The following MACROD2 variants were observed in gnomAD, a reference collection of about 807,000 sequenced individuals.
MACROD2 encodes the protein mono-ADP ribosylhydrolase 2, also known as ADP-ribose glycohydrolase MACROD2.
A neutral mutation model predicts 70.4 loss-of-function variants in MACROD2; 36 were observed. The observed-to-expected ratio is 0.51, with a 90% CI of 0.39 to 0.68. The LOEUF is 0.68. Among genes scored for constraint, MACROD2 ranks in the 30% least tolerant of loss-of-function variants. The probability of loss-of-function intolerance (pLI) is 0.00; values close to 1 mark genes in which losing one functional copy is unlikely to be tolerated. For missense variants in MACROD2, 496 were observed against 538.4 expected (o/e 0.92, Z 0.78); for synonymous variants, 172 against 178.8 (o/e 0.96, Z 0.30).
At chr20:14,720,662 T>G (rs1364334923) in intron 5 of MACROD2, among the ~76,000 whole-genome samples, 1 of 149,834 alleles carries the variant, frequency 6.7e-6, no homozygotes, top group Non-Finnish European at 1.5e-5. Flanking sequence ...CAAGTGATTC[T>G]CCTGCCTCAG....
chr20:14,620,005 T>C (rs1983738362), intron 4 of MACROD2, among the ~76,000 whole-genome samples: 1 of 152,170 alleles, frequency 6.6e-6, no homozygotes, highest in South Asian at 2.1e-4. Context: ...TATGTGGCCC[T>C]GACATTTGTC....
At chr20:15,235,971 G>C (rs1601279188) in intron 6 of MACROD2, among the ~76,000 whole-genome samples, 1 of 152,146 alleles carries the variant, frequency 6.6e-6, no homozygotes, top group Non-Finnish European at 1.5e-5. Context: ...GTAATACCAA[G>C]TCTCTATGTC....
At chr20:15,467,346 G>C (rs192432294) in intron 7 of MACROD2, among the ~76,000 whole-genome samples, 9 of 152,324 alleles carry the variant, frequency 5.9e-5, no homozygotes, top group Admixed American at 4.6e-4. Context: ...AAATATATTT[G>C]TTTGCATTAT....
intron 4 of MACROD2, among the ~76,000 whole-genome samples, chr20:14,528,903 T>A (rs1032738660): frequency 1.6e-4 from 25 of 152,320 alleles, no homozygotes; most frequent in African/African-American, 6.0e-4. Flanking sequence ...TATATGAGGC[T>A]GGGTCTTATG....
intron 8 of MACROD2, among the ~76,000 whole-genome samples, chr20:15,643,539 T>C (rs549736556): frequency 1.4e-5 from 2 of 147,216 alleles, no homozygotes; most frequent in East Asian, 4.1e-4. Context: ...GTCTCTTTTA[T>C]GGAATATGGT....
At chr20:15,504,421 A>G (rs2047400660) in intron 8 of MACROD2, among the ~76,000 whole-genome samples, 1 of 152,256 alleles carries the variant, frequency 6.6e-6, no homozygotes, top group Non-Finnish European at 1.5e-5. Context: ...TGAGGCACAA[A>G]AATGACTTAG....
chr20:15,855,905 T>A (rs2147154056), intron 8 of MACROD2, among the ~76,000 whole-genome samples: 1 of 152,314 alleles, frequency 6.6e-6, no homozygotes, highest in East Asian at 1.9e-4. Context: ...TATGAGTACA[T>A]CGTAATTTAT....
intron 5 of MACROD2, among the ~76,000 whole-genome samples, chr20:15,183,117 C>T (rs1468804116): frequency 6.6e-6 from 1 of 152,114 alleles, no homozygotes; most frequent in Non-Finnish European, 1.5e-5. Flanking sequence ...GTGGCCAGAT[C>T]CCAGAACTTC....
At chr20:15,345,174 A>C (rs550492410) in intron 6 of MACROD2, among the ~76,000 whole-genome samples, 1 of 152,318 alleles carries the variant, frequency 6.6e-6, no homozygotes, top group East Asian at 1.9e-4. Context: ...CCGCCTTCTA[A>C]TGCCATCACG....
chr20:14,051,719 G>T (rs572205272), intron 2 of MACROD2: 1 of 384,966 alleles, frequency 2.6e-6, no homozygotes, highest in East Asian at 7.5e-5. Flanking sequence ...AAATTCAAAA[G>T]GTATATCCTG....
intron 6 of MACROD2, among the ~76,000 whole-genome samples, chr20:15,410,086 A>C (rs1469010344): frequency 6.6e-6 from 1 of 152,142 alleles, no homozygotes; most frequent in African/African-American, 2.4e-5. Context: ...GTTTCTCTAT[A>C]AGATTTTTTG....
At chr20:15,029,038 T>G (rs1254757966) in intron 5 of MACROD2, among the ~76,000 whole-genome samples, 1 of 152,150 alleles carries the variant, frequency 6.6e-6, no homozygotes, top group African/African-American at 2.4e-5. Flanking sequence ...CTGGACAATG[T>G]TGGCCTGCTG....
rs542788162 is a variant in MACROD2 at position 15,796,855 on chromosome 20, G to A, written c.646-65890G>A. 2.0e-5 allele frequency among the ~76,000 whole-genome samples: 3 copies of A among 152,246 alleles called. No individual in the cohort carries two copies. In the East Asian group the frequency reaches 5.8e-4, roughly 29 times the overall value. ...GTTTATAGTATCTCTTCAAGGCCAA[G>A]TTTGCTTTGTGAGATTCACTTTTTT... On this transcript the variant is annotated intron_variant, in intron 8 of 17. Transcript: ENST00000684519.
chr20:14,279,350 A>G (rs1358824778), intron 3 of MACROD2, among the ~76,000 whole-genome samples: 1 of 152,132 alleles, frequency 6.6e-6, no homozygotes, highest in Admixed American at 6.6e-5. Flanking sequence ...CTTTTCTTCC[A>G]TTACCATTAT....
At chr20:15,991,220 T>A (rs1374469390) in intron 15 of MACROD2, among the ~76,000 whole-genome samples, 1 of 152,228 alleles carries the variant, frequency 6.6e-6, no homozygotes, top group Non-Finnish European at 1.5e-5. Context: ...TCTTTCTTAG[T>A]CCATGTGGGA....
chr20:14,776,087 A>G (rs2072230249), intron 5 of MACROD2, among the ~76,000 whole-genome samples: 1 of 152,038 alleles, frequency 6.6e-6, no homozygotes, highest in Non-Finnish European at 1.5e-5. Flanking sequence ...ATGACTGCTC[A>G]TCAGTCAGGA....
intron 6 of MACROD2, among the ~76,000 whole-genome samples, chr20:15,330,700 G>A (rs1462055429): frequency 2.6e-5 from 4 of 151,668 alleles, no homozygotes; most frequent in Admixed American, 6.6e-5. Flanking sequence ...AATATCACAG[G>A]TAGAATGGAA....
chr20:14,537,645 A>C (rs2123224041), intron 4 of MACROD2, among the ~76,000 whole-genome samples: 1 of 152,286 alleles, frequency 6.6e-6, no homozygotes, highest in South Asian at 2.1e-4. Flanking sequence ...CACCAATGTA[A>C]GTTCCATGCG....
chr20:15,284,597 A>T (rs1431201177), intron 6 of MACROD2, among the ~76,000 whole-genome samples: 1 of 152,058 alleles, frequency 6.6e-6, no homozygotes, highest in Non-Finnish European at 1.5e-5. Context: ...TGGGTCTGGG[A>T]TGAAATTTTG....
Sources: gnomAD v4.1 joint callset for allele counts (sites outside exome capture counted in the v4.1 genomes callset) on GRCh38, gnomAD v4.1.1 for gene constraint, MANE v1.5 for transcripts, NCBI Gene and HGNC (gene_info 2026-07-23, HGNC 2026-07-21) for gene names.